Variants in SHISA5 observed in about 807,000 individuals in gnomAD.
SHISA5 encodes the protein protein shisa-5.
A neutral mutation model predicts 27.5 loss-of-function variants in SHISA5; 21 were observed. The ratio of observed to expected loss-of-function variants is 0.76; its 90% CI spans 0.54 to 1.10. The LOEUF (loss-of-function observed/expected upper bound fraction) is 1.10, where lower values mean the gene tolerates loss of function less well. Ranked by LOEUF, SHISA5 falls within the 50% of genes least tolerant of loss-of-function variation. The probability of loss-of-function intolerance (pLI) is 0.00; values close to 1 mark genes in which losing one functional copy is unlikely to be tolerated. For missense variants in SHISA5, 314 were observed against 336.3 expected (o/e 0.93, Z 0.52); for synonymous variants, 137 against 142.2 (o/e 0.96, Z 0.26).
In SHISA5 at chr3:48,473,351, G is replaced by T; in HGVS notation, c.315-3508C>A. 4 of 1,368,682 alleles carry T rather than the reference G, an allele frequency of 2.9e-6. No individual in the cohort carries two copies. The highest frequency in any genetic ancestry group is 3.8e-6 in the Non-Finnish European group (4 of 1,041,072). The allele number at this position is 1,368,682 out of a possible 1,614,324, so 84.8% of individuals were successfully genotyped here. On this transcript the variant is annotated intron_variant, in intron 3 of 5. Coordinates refer to ENST00000296444, the MANE Select transcript of SHISA5 (RefSeq NM_016479.6). The surrounding 1 kb of genome is among the most constrained non-coding windows in gnomAD (Gnocchi z 4.3). ...CAGAATGCAGCCTGGCCACTAGGGG[G>T]TCTAAGAGCCACCCCAGCCTCAGTG...
intron 2 of SHISA5, among the ~76,000 whole-genome samples, chr3:48,488,833 CAAA>C (rs367782789): frequency 4.1e-5 from 2 of 48,626 alleles, no homozygotes; most frequent in Admixed American, 2.2e-4. Context: ...AACTCCGTCT[CAAA>C]AAAAAAAAAA....
intron 1 of SHISA5, chr3:48,502,471 T>A (rs1163239454): frequency 4.4e-6 from 2 of 450,210 alleles, no homozygotes; most frequent in Admixed American, 2.4e-5. Context: ...ATCACAAGAC[T>A]CTCAGCACAG....
chr3:48,501,313 CTGTTCACCTG>C lies in SHISA5; in HGVS notation c.77-30_77-21del. On this transcript the variant is annotated intron_variant, in intron 1 of 5. Coordinates refer to ENST00000296444, the MANE Select transcript of SHISA5 (RefSeq NM_016479.6). Reference sequence around the variant, plus strand: ...CACGTGCTGGAGAGGAGAAACACATCTGTTCACCTGTGCCCACGGGCCAGGCCCCAGCAGA... The same window carrying C: ...CACGTGCTGGAGAGGAGAAACACATCTGCCCACGGGCCAGGCCCCAGCAGA... 1 of 1,610,328 alleles carries C rather than the reference CTGTTCACCTG, an allele frequency of 6.2e-7. No homozygotes were observed. Among genetic ancestry groups the C allele is most frequent in the Non-Finnish European group, 8.5e-7 (1 of 1,177,890 alleles).
intron 1 of SHISA5, chr3:48,502,192 T>C (rs2041777298): frequency 2.4e-5 from 8 of 336,054 alleles, no homozygotes; most frequent in South Asian, 4.5e-5. Context: ...CCTCGTTCAC[T>C]CTCTCCCTCA....
Position 48,468,562 on chromosome 3 carries a change from C to G in SHISA5, c.*545G>C. 8.4e-7 allele frequency: 1 copy of G among 1,188,676 alleles called. No homozygotes were observed. The highest frequency in any genetic ancestry group is 3.6e-4 in the Middle Eastern group (1 of 2,740). The allele number at this position is 1,188,676 out of a possible 1,614,324, so 73.6% of individuals were successfully genotyped here. ...GGACATCTGCCCAAAGGATCAAAGT[C>G]CAACTTGGCCAGATCCCAAGCTTCG... On this transcript the variant is annotated 3_prime_UTR_variant, in exon 6 of 6. Coordinates refer to ENST00000296444, the MANE Select transcript of SHISA5 (RefSeq NM_016479.6).
chr3:48,469,186 C>T lies in SHISA5; in HGVS notation c.644G>A (p.Gly215Glu), dbSNP rs2040492471. ...GPPAYHETLAGGAAAPYPASQ... is the reference protein window; with the variant it reads ...GPPAYHETLAEGAAAPYPASQ... ...GGCGGGGTAGGGCGCGGCTGCTCCT[C>T]CTGAAAGCAGAGAGGACCCTGGTTG... Residue 215 changes from glycine to glutamate, a missense_variant and splice_region_variant, in exon 6 of 6, where the codon GGA becomes GAA. Transcript: ENST00000296444. The surrounding 1 kb of genome is among the most constrained non-coding windows in gnomAD (Gnocchi z 4.6). 3 of 1,611,726 alleles carry T rather than the reference C, an allele frequency of 1.9e-6. No homozygotes were observed. The Admixed American group carries it at 5.0e-5, about 27-fold the overall frequency.
intron 3 of SHISA5, among the ~76,000 whole-genome samples, chr3:48,471,759 T>G (rs1334522320): frequency 4.0e-5 from 6 of 151,450 alleles, no homozygotes; most frequent in Non-Finnish European, 7.4e-5. Flanking sequence ...GTGCTTGCAA[T>G]CCCAGCTACT....
At chr3:48,503,957 C>G (rs1044233632) in intron 1 of SHISA5, 62 bp downstream of exon 1, 26 of 1,431,264 alleles carry the variant, frequency 1.8e-5, no homozygotes, top group African/African-American at 5.9e-5. Context: ...GTTGGAGAGG[C>G]AGCGCGGGGA....
At chr3:48,500,170 G>A (rs2041712863) in intron 2 of SHISA5, among the ~76,000 whole-genome samples, 1 of 152,178 alleles carries the variant, frequency 6.6e-6, no homozygotes. Context: ...GCAGTAGTGG[G>A]CAAGGGCCAG....
At chr3:48,497,273 T>G (rs1173979671) in intron 2 of SHISA5, among the ~76,000 whole-genome samples, 1 of 148,184 alleles carries the variant, frequency 6.7e-6, no homozygotes, top group Admixed American at 6.7e-5. Context: ...TTTTTTTTTT[T>G]TTTTTTTTTT....
At chr3:48,478,115 C>T (rs79131812) in intron 3 of SHISA5, among the ~76,000 whole-genome samples, 2,542 of 152,358 alleles carry the variant, frequency 0.017, 63 homozygotes, top group African/African-American at 0.054. Flanking sequence ...GCATCTCCCA[C>T]GGGGCCATCT....
chr3:48,492,294 C>T (rs2041458040), intron 2 of SHISA5, among the ~76,000 whole-genome samples: 2 of 150,968 alleles, frequency 1.3e-5, no homozygotes, highest in South Asian at 4.2e-4. Context: ...CACGGTGAAA[C>T]CCTGTCTCTA....
At chr3:48,472,575 C>T (rs2040673606) in intron 3 of SHISA5, among the ~76,000 whole-genome samples, 1 of 146,188 alleles carries the variant, frequency 6.8e-6, no homozygotes, top group African/African-American at 2.4e-5. Context: ...CAACAAAAGG[C>T]AAATGCTTGG....
intron 2 of SHISA5, among the ~76,000 whole-genome samples, chr3:48,492,775 A>G (rs2041471840): frequency 6.8e-6 from 1 of 147,576 alleles, no homozygotes; most frequent in African/African-American, 2.7e-5. Flanking sequence ...TGTGAAAGGC[A>G]TTAGAGGCAT....
intron 3 of SHISA5, among the ~76,000 whole-genome samples, chr3:48,475,765 G>GC (rs2040804352): frequency 6.6e-6 from 1 of 152,234 alleles, no homozygotes; most frequent in Admixed American, 6.5e-5. Flanking sequence ...TCCTGTGAGT[G>GC]CAAGGAGCTG....
At chr3:48,499,546 G>A (rs1038085050) in intron 2 of SHISA5, among the ~76,000 whole-genome samples, 7 of 151,148 alleles carry the variant, frequency 4.6e-5, no homozygotes, top group African/African-American at 1.7e-4. Context: ...CGGGCGTGGT[G>A]GCGGGCGCCT....
chr3:48,486,338 TATA>T (rs1265315139), intron 2 of SHISA5, among the ~76,000 whole-genome samples: 3 of 9,874 alleles, frequency 3.0e-4, no homozygotes, highest in African/African-American at 4.8e-4. Flanking sequence ...TTATATAATA[TATA>T]ATGATAATGT....
rs189395131 is a variant in SHISA5, at chr3:48,468,630, C to G, written c.*477G>C. On this transcript the variant is annotated 3_prime_UTR_variant, in exon 6 of 6. Transcript: ENST00000296444. ...GCTCTGCAACGGGTACCCCCAACTC[C>G]GGGGACGAGCCATGGCCTCAAGCAG... is the stretch of plus-strand genomic sequence containing the variant. The G allele has an allele frequency of 5.0e-6, 6 of 1,199,132 alleles. No individual in the cohort carries two copies. In the South Asian group the frequency reaches 7.7e-5, roughly 15 times the overall value. 74.3% of individuals were successfully genotyped at this position (1,199,132 alleles called of 1,614,324 possible). A position where few individuals can be genotyped will look rare whatever the true frequency, so the allele number is the denominator to read the frequency against.
intron 2 of SHISA5, among the ~76,000 whole-genome samples, chr3:48,484,054 G>A (rs1263602063): frequency 1.3e-5 from 2 of 152,220 alleles, no homozygotes; most frequent in Admixed American, 1.3e-4. Context: ...TATGATGTCT[G>A]GGATTTGCTT....
Sources: allele counts gnomAD v4.1 joint callset (sites outside exome capture counted in the v4.1 genomes callset), GRCh38; gene constraint gnomAD v4.1.1; non-coding constraint Gnocchi (gnomAD v3.1); transcripts MANE v1.5; gene names NCBI Gene and HGNC (gene_info 2026-07-23, HGNC 2026-07-21).